ELK4: variants seen among roughly 807,000 people sequenced by gnomAD.
ELK4 encodes ETS domain-containing protein Elk-4.
A neutral mutation model predicts 29.6 loss-of-function variants in ELK4; 16 were observed. The ratio of observed to expected loss-of-function variants is 0.54; its 90% CI spans 0.37 to 0.82. ELK4 has a LOEUF of 0.82. ELK4 is among the 40% of genes least tolerant of loss of function. ELK4 has a pLI of 0.00. For synonymous variants in ELK4, 213 were observed against 191.1 expected (o/e 1.11, Z -0.95); for missense variants, 465 against 507.1 (o/e 0.92, Z 0.80).
At chr1:205,628,870 G>GT (rs2102386816) in intron 1 of ELK4, among the ~76,000 whole-genome samples, 1 of 52,766 alleles carries the variant, frequency 1.9e-5, no homozygotes, top group African/African-American at 5.1e-5. Flanking sequence ...GTTGAGGACA[G>GT]TAAAAAAAAA....
chr1:205,628,306 G>A (rs1464882221), intron 1 of ELK4, among the ~76,000 whole-genome samples: 2 of 152,148 alleles, frequency 1.3e-5, no homozygotes, highest in Non-Finnish European at 2.9e-5. Context: ...TTCTACTACA[G>A]TTTTCCCACT....
chr1:205,630,996 C>T (rs1670571861), intron 1 of ELK4, among the ~76,000 whole-genome samples: 1 of 152,216 alleles, frequency 6.6e-6, no homozygotes, highest in African/African-American at 2.4e-5. Flanking sequence ...GTACTTTTGA[C>T]TACTTCAGTC....
rs1670338496 is a variant in ELK4, at chr1:205,621,170, G to A, written c.208-332C>T. ...AGATCACACCACTGCACTCCAGCCT[G>A]GTGACAGAGCAAGAGTCTGTCTTAA... On this transcript the variant is annotated intron_variant, in intron 2 of 4. Coordinates refer to ENST00000357992, the MANE Select transcript of ELK4 (RefSeq NM_001973.4). Among the ~76,000 whole-genome samples, 4 of 141,330 alleles carry A rather than the reference G, an allele frequency of 2.8e-5. No individual in the cohort carries two copies. In the South Asian group the frequency reaches 9.2e-4, roughly 33 times the overall value. 92.7% of individuals were successfully genotyped at this position (141,330 alleles called of 152,430 possible).
chr1:205,629,016 TACAA>T (rs953311506), intron 1 of ELK4, among the ~76,000 whole-genome samples: 5 of 151,666 alleles, frequency 3.3e-5, no homozygotes, highest in East Asian at 1.9e-4. Flanking sequence ...CTATTAAAAA[TACAA>T]ACAATTAGCC....
chr1:205,629,652 G>A (rs902487377), intron 1 of ELK4, among the ~76,000 whole-genome samples: 4 of 152,098 alleles, frequency 2.6e-5, no homozygotes, highest in Non-Finnish European at 5.9e-5. Context: ...AGGAGGCGGA[G>A]GTCACAGTGA....
rs1241376796 is a variant in ELK4, at chr1:205,620,346, G to C, written c.700C>G (p.Pro234Ala). ...ALETLVSPKL[P>A]SLEAPTSASN... ...GCAGAGGTTGGGGCTTCCAGGGAAG[G>C]CAGTTTTGGGGAAACCAATGTCTCC... is the stretch of plus-strand genomic sequence containing the variant. The change falls in exon 3 of 5, where the codon CCT becomes GCT. Residue 234 changes from proline to alanine, a missense_variant. Physicochemically the swap from Pro to Ala is conservative, Grantham distance 27. This residue lies in a region of ELK4 where 385 missense variants were observed against 387.5 expected (regional missense o/e 0.99). Transcript: ENST00000357992. 1 of 1,614,224 alleles carries C rather than the reference G, an allele frequency of 6.2e-7. No individual in the cohort carries two copies. Among genetic ancestry groups the C allele is most frequent in the Non-Finnish European group, 8.5e-7 (1 of 1,180,034 alleles).
intron 3 of ELK4, 44 bp from the exon 4 acceptor site, chr1:205,619,117 G>C (rs770574710): frequency 6.9e-7 from 1 of 1,445,352 alleles, no homozygotes; most frequent in Non-Finnish European, 9.3e-7. Flanking sequence ...GACTTACCAG[G>C]ATGTTTTATC....
Position 205,620,608 on chromosome 1 carries a change from T to C in ELK4, c.438A>G (p.Leu146=), listed in dbSNP as rs555550872. The change falls in exon 3 of 5, where the codon TTA becomes TTG. Residue 146 remains leucine (L), a synonymous_variant. Transcript: ENST00000357992. ...SSRNDYIHSG[L]YSSFTLNSLN... ...AAGAGTTGAGAGTAAATGAAGAATA[T>C]AAGCCAGAGTGTATGTAGTCATTGC... is the stretch of plus-strand genomic sequence containing the variant. 7 of 1,614,152 alleles carry C rather than the reference T, an allele frequency of 4.3e-6. No individual in the cohort carries two copies. The highest frequency in any genetic ancestry group is 2.7e-5 in the African/African-American group (2 of 75,028).
rs67904643 is a variant in ELK4, at chr1:205,615,390, CAAAAAAAAAAAA to C, written c.*1144_*1155del. On this transcript the variant is annotated 3_prime_UTR_variant, in exon 5 of 5. Transcript: ENST00000357992. The stretch of plus-strand genomic sequence containing the variant: ...TGGGTGATAGAGCAAGACTCTGTCT[CAAAAAAAAAAAA>C]AAAAAAAAAAAAAGGAAATAAGCAC... The C allele has an allele frequency of 4.2e-3, 225 of 53,244 alleles. 1 individual carries two copies. The highest frequency in any genetic ancestry group is 0.014 in the African/African-American group (205 of 14,292). The allele number at this position is 53,244 out of a possible 1,614,324, so 3.3% of individuals were successfully genotyped here.
intron 1 of ELK4, chr1:205,625,779 A>T (rs1483889798): frequency 3.1e-6 from 2 of 636,826 alleles, no homozygotes; most frequent in Middle Eastern, 4.6e-4. Context: ...CCTGGGTTCA[A>T]GCGATTCTCC....
At chr1:205,617,673 G>A (rs966818973) in intron 4 of ELK4, among the ~76,000 whole-genome samples, 4 of 151,610 alleles carry the variant, frequency 2.6e-5, no homozygotes, top group South Asian at 2.1e-4. Context: ...AGGCTGAGGC[G>A]GGCGGATCAC....
chr1:205,625,679 C>CT (rs368266464), intron 1 of ELK4: 33,198 of 685,950 alleles, frequency 0.048, 171 homozygotes, highest in African/African-American at 0.089. Flanking sequence ...GCTGCTGCTT[C>CT]TTTTTTTTTT....
At chr1:205,621,213 A>G (rs943195527) in intron 2 of ELK4, among the ~76,000 whole-genome samples, 1 of 149,154 alleles carries the variant, frequency 6.7e-6, no homozygotes, top group Non-Finnish European at 1.5e-5. Flanking sequence ...AAAAAAAAAA[A>G]AAAAAAGAAA....
In ELK4 at chr1:205,614,443, C is replaced by T. The variant is rs773714566; in HGVS notation, c.*2103G>A. On this transcript the variant is annotated 3_prime_UTR_variant, in exon 5 of 5. Coordinates refer to ENST00000357992, the MANE Select transcript of ELK4 (RefSeq NM_001973.4). ...TGCTGCTGAGAGGTCCAATTTCAAA[C>T]AGGCATGCAAACTAAATAATTTAAT... 8 of 227,630 alleles carry T rather than the reference C, an allele frequency of 3.5e-5. No individual in the cohort carries two copies. Among genetic ancestry groups the T allele is most frequent in the Non-Finnish European group, 7.0e-5 (8 of 114,896 alleles). The allele number at this position is 227,630 out of a possible 1,614,324, so 14.1% of individuals were successfully genotyped here.
Position 205,616,499 on chromosome 1 carries a change from T to C in ELK4, c.*47A>G. The C allele has an allele frequency of 6.6e-7, 1 of 1,519,798 alleles. No homozygotes were observed. The highest frequency in any genetic ancestry group is 9.1e-7 in the Non-Finnish European group (1 of 1,095,478). The allele number at this position is 1,519,798 out of a possible 1,614,324, so 94.1% of individuals were successfully genotyped here. On this transcript the variant is annotated 3_prime_UTR_variant, in exon 5 of 5. Coordinates refer to ENST00000357992, the MANE Select transcript of ELK4 (RefSeq NM_001973.4). Reference sequence around the variant, plus strand: ...TCACTTCAAATGCAATCATGTTGAATGTCTGTTTCTTCGTTCCTCGGTTCT... The same window carrying C: ...TCACTTCAAATGCAATCATGTTGAACGTCTGTTTCTTCGTTCCTCGGTTCT...
rs896340829 is a variant in ELK4, at chr1:205,614,751, G to T, written c.*1795C>A. The T allele has an allele frequency of 8.8e-6, 2 of 227,084 alleles. No individual in the cohort carries two copies. The highest frequency in any genetic ancestry group is 4.4e-5 in the African/African-American group (2 of 44,986). The allele number at this position is 227,084 out of a possible 1,614,324, so 14.1% of individuals were successfully genotyped here. On this transcript the variant is annotated 3_prime_UTR_variant, in exon 5 of 5. Transcript: ENST00000357992. The stretch of plus-strand genomic sequence containing the variant: ...CATCTGAAGATGCTAGTTTGTAACA[G>T]TGTCAGTCTGAGCCTTCAAGTTCTT...
Position 205,616,529 on chromosome 1 carries a change from T to C in ELK4, c.*17A>G, listed in dbSNP as rs751324200. On this transcript the variant is annotated 3_prime_UTR_variant, in exon 5 of 5. Coordinates refer to ENST00000357992, the MANE Select transcript of ELK4 (RefSeq NM_001973.4). ...GTTTCTTCGTTCCTCGGTTCTCTCA[T>C]TCCACAAGTGCATAGGTTATGTCTT... The C allele has an allele frequency of 1.8e-5, 29 of 1,609,340 alleles. No individual in the cohort carries two copies. Among genetic ancestry groups the C allele is most frequent in the Non-Finnish European group, 2.5e-5 (29 of 1,175,866 alleles).
At chr1:205,625,533 G>A (rs1670436478) in intron 1 of ELK4, 12 of 785,920 alleles carry the variant, frequency 1.5e-5, no homozygotes, top group Admixed American at 8.8e-5. Context: ...GGGCGGCTCC[G>A]AGAGCAAGAA....
Position 205,620,225 on chromosome 1 carries a change from G to A in ELK4, c.821C>T (p.Ser274Phe). 6.2e-7 allele frequency: 1 copy of A among 1,614,230 alleles called. No individual in the cohort carries two copies. The change falls in exon 3 of 5, where the codon TCT becomes TTT. Residue 274 changes from serine to phenylalanine, a missense_variant. Around this residue, in one of 2 missense-constraint regions of ELK4, gnomAD observed 385 missense variants for 387.5 expected, o/e 0.99. Coordinates refer to ENST00000357992, the MANE Select transcript of ELK4 (RefSeq NM_001973.4). ...PPRTPSPPLS[S>F]HPDIDTDIDS... ...AATGTCTGTGTCGATGTCTGGGTGA[G>A]AACTCAGTGGTGGTGAAGGTGTTCT...
Sources: gnomAD v4.1 joint callset for allele counts (sites outside exome capture counted in the v4.1 genomes callset) on GRCh38, gnomAD v4.1.1 for gene constraint, gnomAD v4.1.1 regional missense constraint, MANE v1.5 for transcripts, NCBI Gene and HGNC (gene_info 2026-07-23, HGNC 2026-07-21) for gene names.